Variants in ZBTB38 observed in about 807,000 individuals in gnomAD.
ZBTB38 encodes the protein zinc finger and BTB domain-containing protein 38.
ZBTB38 carries 20 observed loss-of-function variants against 76.8 expected under a neutral mutation model. The observed-to-expected ratio is 0.26, with a 90% CI of 0.18 to 0.38. ZBTB38 has a LOEUF of 0.38. Ranked by LOEUF, ZBTB38 falls within the 10% of genes least tolerant of loss-of-function variation. ZBTB38 has a pLI of 1.00. For missense variants in ZBTB38, 1,082 were observed against 1,482.3 expected, an observed-to-expected ratio of 0.73 and a Z score of 4.43; for synonymous variants, 504 against 544.2, an observed-to-expected ratio of 0.93 and a Z score of 1.03.
At position 141,385,649 on chromosome 3, in the gene ZBTB38, A is replaced by AGTGTGT. The variant is rs10617390; in HGVS notation, c.-171-1197_-171-1192dup. On this transcript the variant is annotated intron_variant, in intron 3 of 5. Coordinates refer to ENST00000321464, the MANE Select transcript of ZBTB38 (RefSeq NM_001376113.1). Reference sequence around the variant, plus strand: ...ACATTTCATTGCAATTCGAGCTTTGAGTGTGTGTGTGTGTGTGTGTGTGTG... The same window carrying AGTGTGT: ...ACATTTCATTGCAATTCGAGCTTTGAGTGTGTGTGTGTGTGTGTGTGTGTGTGTGTG... 8.0e-3 allele frequency among the ~76,000 whole-genome samples: 1,174 copies of AGTGTGT among 147,134 alleles called. 10 individuals are homozygous for AGTGTGT. The highest frequency in any genetic ancestry group is 0.019 in the African/African-American group (763 of 40,080).
chr3:141,415,777 C>T (rs562705727), intron 5 of ZBTB38, among the ~76,000 whole-genome samples: 1 of 152,276 alleles, frequency 6.6e-6, no homozygotes, highest in Admixed American at 6.5e-5. Context: ...GAATCTGATT[C>T]TGAAGACTCT....
upstream of ZBTB38, chr3:141,366,670 G>C (rs1036399478): frequency 5.9e-5 from 9 of 152,344 alleles, no homozygotes; most frequent in African/African-American, 2.2e-4. Context: ...CAGAGGCATA[G>C]ATTGCCTGAG....
chr3:141,444,524 T>C lies in ZBTB38; in HGVS notation c.2136T>C (p.Ser712=), dbSNP rs746651852. The part of the protein sequence containing the change: ...NAASVISYSG[S]APSVIVHSSQ... ...CCTCTGTGATCAGCTACAGTGGCTC[T>C]GCACCCTCGGTCATTGTACACAGCA... Residue 712 remains serine (S), a synonymous_variant, in exon 6 of 6, where the codon TCT becomes TCC. Coordinates refer to ENST00000321464, the MANE Select transcript of ZBTB38 (RefSeq NM_001376113.1). This position sits in a 1 kb window ranked among gnomAD's most constrained non-coding sequence, Gnocchi z 5.1. The C allele has an allele frequency of 4.3e-6, 7 of 1,614,218 alleles. No individual in the cohort carries two copies. The highest frequency in any genetic ancestry group is 3.3e-5 in the South Asian group (3 of 91,086).
chr3:141,393,398 C>G (rs1374353528), intron 4 of ZBTB38, among the ~76,000 whole-genome samples: 3 of 152,182 alleles, frequency 2.0e-5, no homozygotes, highest in Non-Finnish European at 4.4e-5. Flanking sequence ...ACAAAAGCCA[C>G]CAGCTGAGAG....
intron 5 of ZBTB38, among the ~76,000 whole-genome samples, chr3:141,412,218 T>C (rs1956901394): frequency 6.6e-6 from 1 of 152,222 alleles, no homozygotes; most frequent in Admixed American, 6.5e-5. Flanking sequence ...ATGATTTATG[T>C]TACTGGTCGG....
chr3:141,392,479 G>A (rs903116918), intron 4 of ZBTB38, among the ~76,000 whole-genome samples: 4 of 152,208 alleles, frequency 2.6e-5, no homozygotes, highest in Non-Finnish European at 5.9e-5. Context: ...CCTGTTCCAG[G>A]AAGAAATAAA....
intron 4 of ZBTB38, among the ~76,000 whole-genome samples, chr3:141,402,022 C>T (rs1045494995): frequency 2.0e-5 from 3 of 152,234 alleles, no homozygotes; most frequent in Non-Finnish European, 4.4e-5. Context: ...GGCCCGAGGC[C>T]TTGTTCTGAC....
At position 141,448,949 on chromosome 3, in the gene ZBTB38, A is replaced by C. The variant is rs2081300059; in HGVS notation, c.*2973A>C. ...GATAGGCCTGATCTTATAATGATAA[A>C]TCAGAGAATGAAATGCTCTCCAGGA... is the stretch of plus-strand genomic sequence containing the variant. On this transcript the variant is annotated 3_prime_UTR_variant, in exon 6 of 6. Transcript: ENST00000321464. 1 of 152,244 alleles carries C rather than the reference A, an allele frequency of 6.6e-6. No homozygotes were observed. The highest frequency in any genetic ancestry group is 1.5e-5 in the Non-Finnish European group (1 of 68,040). 9.4% of individuals were successfully genotyped at this position (152,244 alleles called of 1,614,324 possible). A position where few individuals can be genotyped will look rare whatever the true frequency, so the allele number is the denominator to read the frequency against.
intron 1 of ZBTB38, among the ~76,000 whole-genome samples, chr3:141,352,355 G>C (rs1943541661): frequency 1.3e-5 from 2 of 152,146 alleles, no homozygotes; most frequent in South Asian, 4.2e-4. Context: ...CTCAAGGTAT[G>C]TATAGACTAT....
At chr3:141,440,470 T>C (rs2079875478) in intron 5 of ZBTB38, among the ~76,000 whole-genome samples, 1 of 152,194 alleles carries the variant, frequency 6.6e-6, no homozygotes, top group African/African-American at 2.4e-5. Flanking sequence ...TCCATCCAAC[T>C]AAATAAATGC....
At chr3:141,376,918 C>T (rs187303005) in intron 2 of ZBTB38, among the ~76,000 whole-genome samples, 167 of 152,260 alleles carry the variant, frequency 1.1e-3, no homozygotes, top group African/African-American at 3.8e-3. Flanking sequence ...ACTGGTGGTC[C>T]CACCCTTGCC....
At chr3:141,398,798 G>A (rs1160973678) in intron 4 of ZBTB38, among the ~76,000 whole-genome samples, 3 of 152,066 alleles carry the variant, frequency 2.0e-5, no homozygotes, top group Admixed American at 2.0e-4. Context: ...CACCAACAAA[G>A]AACAATAATT....
intron 4 of ZBTB38, among the ~76,000 whole-genome samples, chr3:141,390,401 G>GT (rs1230977198): frequency 1.3e-5 from 2 of 152,202 alleles, no homozygotes; most frequent in East Asian, 3.9e-4. Flanking sequence ...CAAATATGTG[G>GT]TTTTCTGTTG....
intron 1 of ZBTB38, among the ~76,000 whole-genome samples, chr3:141,359,752 A>T (rs923203600): frequency 1.3e-5 from 2 of 151,808 alleles, no homozygotes; most frequent in Non-Finnish European, 2.9e-5. Context: ...ACAACACAGC[A>T]AGACCTCATC....
intron 2 of ZBTB38, among the ~76,000 whole-genome samples, chr3:141,380,921 T>G (rs1946107827): frequency 6.6e-6 from 1 of 152,228 alleles, no homozygotes; most frequent in Admixed American, 6.5e-5. Flanking sequence ...GATTATGCTC[T>G]CACATGAGGT....
intron 4 of ZBTB38, among the ~76,000 whole-genome samples, chr3:141,395,110 G>T (rs550164852): frequency 6.6e-6 from 1 of 152,256 alleles, no homozygotes; most frequent in African/African-American, 2.4e-5. Flanking sequence ...AGATCTACTT[G>T]GTTTTTATTA....
chr3:141,326,346 G>A (rs894148987), intron 1 of ZBTB38, among the ~76,000 whole-genome samples: 6 of 152,194 alleles, frequency 3.9e-5, no homozygotes, highest in Admixed American at 6.5e-5. Context: ...GAGAATGAGA[G>A]AAAAACAGTT....
At chr3:141,400,774 A>G (rs1356133152) in intron 4 of ZBTB38, among the ~76,000 whole-genome samples, 1 of 152,226 alleles carries the variant, frequency 6.6e-6, no homozygotes, top group African/African-American at 2.4e-5. Flanking sequence ...AAAGCCCTAC[A>G]AGGTAGGCAC....
intron 5 of ZBTB38, among the ~76,000 whole-genome samples, chr3:141,440,293 G>A (rs1262263173): frequency 6.6e-6 from 1 of 152,206 alleles, no homozygotes; most frequent in Non-Finnish European, 1.5e-5. Context: ...CTCATTATCT[G>A]AATTGAAGAA....
Sources: gnomAD v4.1 joint callset for allele counts (sites outside exome capture counted in the v4.1 genomes callset) on GRCh38, gnomAD v4.1.1 for gene constraint, Gnocchi (gnomAD v3.1) non-coding constraint, MANE v1.5 for transcripts, NCBI Gene and HGNC (gene_info 2026-07-23, HGNC 2026-07-21) for gene names.